Variants in KLHL8 observed in about 807,000 individuals in gnomAD.
KLHL8 encodes the protein kelch like family member 8.
A neutral mutation model predicts 63.5 loss-of-function variants in KLHL8; 38 were observed. The observed-to-expected ratio is 0.60, with a 90% CI of 0.46 to 0.78. KLHL8 has a LOEUF of 0.78. Ranked by LOEUF, KLHL8 falls within the 30% of genes least tolerant of loss-of-function variation. The pLI, the probability that KLHL8 is intolerant of heterozygous loss-of-function variation, is 0.00. For missense variants in KLHL8, 566 were observed against 752.4 expected (o/e 0.75, Z 2.90); for synonymous variants, 224 against 254.3 (o/e 0.88, Z 1.13).
chr4:87,237,612 G>A (rs1418083304), intron 1 of KLHL8, among the ~76,000 whole-genome samples: 2 of 152,094 alleles, frequency 1.3e-5, no homozygotes, highest in South Asian at 2.1e-4. Flanking sequence ...CAGATTGCAC[G>A]AGCCCAGGAG....
At chr4:87,169,815 C>T (rs972580232) in intron 8 of KLHL8, among the ~76,000 whole-genome samples, 9 of 151,040 alleles carry the variant, frequency 6.0e-5, no homozygotes, top group South Asian at 2.1e-4. Flanking sequence ...CAGTGAGCTA[C>T]GATTGTGCCA....
At chr4:87,194,174 T>C (rs1731602097) in intron 2 of KLHL8, among the ~76,000 whole-genome samples, 1 of 152,198 alleles carries the variant, frequency 6.6e-6, no homozygotes, top group Non-Finnish European at 1.5e-5. Context: ...TGCTCATGAA[T>C]GGATTAGTGC....
chr4:87,231,046 C>G (rs1056559669), intron 1 of KLHL8, among the ~76,000 whole-genome samples: 10 of 152,116 alleles, frequency 6.6e-5, no homozygotes, highest in African/African-American at 1.9e-4. Context: ...CTGGCCAGCA[C>G]AGCAGGCTAG....
intron 1 of KLHL8, among the ~76,000 whole-genome samples, chr4:87,214,153 C>T (rs1013921604): frequency 6.6e-6 from 1 of 150,994 alleles, no homozygotes; most frequent in East Asian, 1.9e-4. Context: ...TAATGCTCTA[C>T]ATGAGATTGC....
At position 87,162,942 on chromosome 4, in the gene KLHL8, A is replaced by ATT. The variant is rs1424992783; in HGVS notation, c.*576_*577insAA. The ATT allele has an allele frequency of 1.3e-5, 2 of 152,218 alleles. No individual in the cohort carries two copies. The highest frequency in any genetic ancestry group is 2.9e-5 in the Non-Finnish European group (2 of 68,036). The allele number at this position is 152,218 out of a possible 1,614,324, so 9.4% of individuals were successfully genotyped here. On this transcript the variant is annotated 3_prime_UTR_variant, in exon 10 of 10. Coordinates refer to ENST00000273963, the MANE Select transcript of KLHL8 (RefSeq NM_020803.5). ...CCTATAAGCTTCTGAAAATGCAGCT[A>ATT]AGTGGCATTCAAAAAGACAGAACAT...
intron 6 of KLHL8, among the ~76,000 whole-genome samples, chr4:87,176,415 C>T (rs1205772101): frequency 6.6e-6 from 1 of 152,190 alleles, no homozygotes; most frequent in African/African-American, 2.4e-5. Flanking sequence ...GGGACAAAAT[C>T]ATCCTCAGTT....
At chr4:87,199,994 A>T (rs1288022700) in intron 1 of KLHL8, among the ~76,000 whole-genome samples, 1 of 151,186 alleles carries the variant, frequency 6.6e-6, no homozygotes, top group Non-Finnish European at 1.5e-5. Context: ...TACAAAAATT[A>T]GCTGGACGTG....
At chr4:87,183,816 C>A (rs1731145622) in intron 3 of KLHL8, among the ~76,000 whole-genome samples, 1 of 152,118 alleles carries the variant, frequency 6.6e-6, no homozygotes, top group South Asian at 2.1e-4. Context: ...TAAGATTAAA[C>A]ATAGGGAAAT....
chr4:87,161,471 T>C lies in KLHL8; in HGVS notation c.*2048A>G, dbSNP rs1730168810. The C allele has an allele frequency of 6.6e-6, 1 of 152,216 alleles. No homozygotes were observed. Among genetic ancestry groups the C allele is most frequent in the Non-Finnish European group, 1.5e-5 (1 of 68,044 alleles). The allele number at this position is 152,216 out of a possible 1,614,324, so 9.4% of individuals were successfully genotyped here. On this transcript the variant is annotated 3_prime_UTR_variant, in exon 10 of 10. Coordinates refer to ENST00000273963, the MANE Select transcript of KLHL8 (RefSeq NM_020803.5). ...CCAACTTAGTATGTTAGATAACCAT[T>C]GTATAGTAAAAACCAGAAATGAAAA...
At chr4:87,223,628 T>A (rs1732923054), upstream of KLHL8, among the ~76,000 whole-genome samples, 2 of 152,066 alleles carry the variant, frequency 1.3e-5, no homozygotes, top group Admixed American at 6.6e-5. Flanking sequence ...ATACACCTAA[T>A]CTAGAGCCTT....
At chr4:87,223,018 A>G (rs997480582), upstream of KLHL8, among the ~76,000 whole-genome samples, 7 of 152,182 alleles carry the variant, frequency 4.6e-5, no homozygotes, top group Admixed American at 4.6e-4. Context: ...AGTGAGTAGC[A>G]CAATCATGGC....
intron 6 of KLHL8, among the ~76,000 whole-genome samples, chr4:87,176,265 A>C (rs188684957): frequency 3.3e-5 from 5 of 152,294 alleles, no homozygotes; most frequent in African/African-American, 1.2e-4. Context: ...TGGCATTTGG[A>C]CTAGAAGATT....
intron 1 of KLHL8, among the ~76,000 whole-genome samples, chr4:87,236,210 CTT>C (rs35028616): frequency 1.2e-3 from 161 of 135,804 alleles, no homozygotes; most frequent in African/African-American, 3.4e-3. Context: ...TTTCCTTTTC[CTT>C]TTTTTTTTTT....
chr4:87,231,559 G>T (rs1190160465), intron 1 of KLHL8, among the ~76,000 whole-genome samples: 1 of 152,002 alleles, frequency 6.6e-6, no homozygotes, highest in African/African-American at 2.4e-5. Flanking sequence ...CATGTACAAG[G>T]ACATGCTTTG....
Position 87,163,936 on chromosome 4 carries a change from C to T in KLHL8, c.1681G>A (p.Gly561Ser), listed in dbSNP as rs1730274619. The stretch of plus-strand genomic sequence containing the variant: ...TTTAAGTATGCATTGCCATTATGAC[C>T]ACCAACTGCAAAGATTTTGCCCATC... ...TVMGKIFAVG[G>S]HNGNAYLNTV... Residue 561 changes from glycine to serine, a missense_variant, in exon 9 of 10, where the codon GGT (glycine) becomes AGT (serine). Coordinates refer to ENST00000273963, the MANE Select transcript of KLHL8 (RefSeq NM_020803.5). 6.2e-7 allele frequency: 1 copy of T among 1,614,152 alleles called. No individual in the cohort carries two copies. The highest frequency in any genetic ancestry group is 8.5e-7 in the Non-Finnish European group (1 of 1,180,018).
At chr4:87,218,658 C>T (rs1361012434) in intron 1 of KLHL8, among the ~76,000 whole-genome samples, 1 of 152,154 alleles carries the variant, frequency 6.6e-6, no homozygotes, top group Admixed American at 6.5e-5. Flanking sequence ...TTATCAAATG[C>T]TAAAAGAATT....
At chr4:87,184,021 T>C (rs1388537435) in intron 3 of KLHL8, among the ~76,000 whole-genome samples, 1 of 152,160 alleles carries the variant, frequency 6.6e-6, no homozygotes, top group Non-Finnish European at 1.5e-5. Context: ...GGTAATGCTA[T>C]TTTGAGTTAA....
At chr4:87,195,738 A>G (rs1241486059) in intron 1 of KLHL8, 48 bp from the exon 2 acceptor site, 2 of 480,660 alleles carry the variant, frequency 4.2e-6, no homozygotes, top group East Asian at 3.2e-5. Context: ...AAAGAAAAAA[A>G]TTATTGTTAA....
intron 8 of KLHL8, among the ~76,000 whole-genome samples, chr4:87,164,924 C>T (rs62306542): frequency 2.6e-5 from 4 of 151,550 alleles, no homozygotes; most frequent in African/African-American, 4.8e-5. Flanking sequence ...CAAGGGGGGC[C>T]GATCACGAGG....
Sources: gnomAD v4.1 joint callset for allele counts (sites outside exome capture counted in the v4.1 genomes callset) on GRCh38, gnomAD v4.1.1 for gene constraint, MANE v1.5 for transcripts, NCBI Gene and HGNC (gene_info 2026-07-23, HGNC 2026-07-21) for gene names.